Variants in PDE1A observed in about 807,000 individuals in gnomAD.
The protein encoded by PDE1A is phosphodiesterase 1A.
In PDE1A, 35 loss-of-function variants were observed where a neutral mutation model predicts 61.7. The ratio of observed to expected loss-of-function variants is 0.57; its 90% CI spans 0.43 to 0.75. The LOEUF (loss-of-function observed/expected upper bound fraction) is 0.75, where lower values mean the gene tolerates loss of function less well. Ranked by LOEUF, PDE1A falls within the 30% of genes least tolerant of loss-of-function variation. PDE1A has a pLI of 0.00. For synonymous variants in PDE1A, 232 were observed against 213.2 expected, an observed-to-expected ratio of 1.09 and a Z score of -0.77; for missense variants, 597 against 630.6, an observed-to-expected ratio of 0.95 and a Z score of 0.57.
Position 182,473,439 on chromosome 2 carries a change from A to G in PDE1A, c.101+48837T>C, listed in dbSNP as rs544723145. On this transcript the variant is annotated intron_variant, in intron 2 of 14. Transcript: ENST00000410103. Reference sequence around the variant, plus strand: ...ACTCAAACACATTTACAAGAAAAAAACAAACAACCCCATCAAAAAGTGGGT... The same window carrying G: ...ACTCAAACACATTTACAAGAAAAAAGCAAACAACCCCATCAAAAAGTGGGT... Among the ~76,000 whole-genome samples, 64 of 151,212 alleles carry G rather than the reference A, an allele frequency of 4.2e-4. No homozygotes were observed. The East Asian group carries it at 9.7e-3, about 23-fold the overall frequency.
At chr2:182,479,348 G>A (rs951650084) in intron 2 of PDE1A, among the ~76,000 whole-genome samples, 2 of 151,880 alleles carry the variant, frequency 1.3e-5, no homozygotes, top group Non-Finnish European at 2.9e-5. Context: ...AGCTTACCAC[G>A]TTGGCAATCA....
At chr2:182,360,988 C>T (rs751275532) in intron 1 of PDE1A, among the ~76,000 whole-genome samples, 1 of 152,020 alleles carries the variant, frequency 6.6e-6, no homozygotes, top group Non-Finnish European at 1.5e-5. Context: ...CTTCTAGATA[C>T]ATTATTAGCA....
chr2:182,568,380 G>A, the PDE1A span, among the ~76,000 whole-genome samples: 2 of 152,180 alleles, frequency 1.3e-5, no homozygotes, highest in Non-Finnish European at 2.9e-5. Context: ...TGTTTTTATA[G>A]TAATAGTAAA....
intron 2 of PDE1A, among the ~76,000 whole-genome samples, chr2:182,258,415 G>T (rs890291859): frequency 6.6e-6 from 1 of 152,150 alleles, no homozygotes; most frequent in Non-Finnish European, 1.5e-5. Flanking sequence ...TGACAGCCAG[G>T]ACAGACTGGT....
the PDE1A span, among the ~76,000 whole-genome samples, chr2:182,687,719 C>A: frequency 0.55 from 82,844 of 151,886 alleles, 23,891 homozygotes; most frequent in Middle Eastern, 0.7. Context: ...AGGTTTCAGA[C>A]AATTAAACTT....
At chr2:182,338,773 C>T (rs1490810262) in intron 1 of PDE1A, among the ~76,000 whole-genome samples, 11 of 152,150 alleles carry the variant, frequency 7.2e-5, no homozygotes, top group Admixed American at 4.6e-4. Flanking sequence ...CTACCCGCCT[C>T]GGCCTGCCAA....
chr2:182,221,369 G>T (rs538277067), intron 7 of PDE1A, among the ~76,000 whole-genome samples: 1 of 152,064 alleles, frequency 6.6e-6, no homozygotes. Flanking sequence ...AGTGATGAGC[G>T]ATCTTTAATT....
At chr2:182,583,422 T>C in the PDE1A span, among the ~76,000 whole-genome samples, 9,702 of 152,252 alleles carry the variant, frequency 0.064, 350 homozygotes, top group Admixed American at 0.094. Flanking sequence ...AAGAGCAAAA[T>C]GCCTTTCTCA....
rs1404599096 is a variant in PDE1A at position 182,214,393 on chromosome 2, G to A, written c.777-8328C>T. ...ATAACCAGCCAACATCATAATGACA[G>A]GATCAAATTCACACATAACAATATT... On this transcript the variant is annotated intron_variant, in intron 7 of 13. Transcript: ENST00000351439. 2.0e-5 allele frequency among the ~76,000 whole-genome samples: 3 copies of A among 151,148 alleles called. No individual in the cohort carries two copies. In the East Asian group the frequency reaches 5.9e-4, roughly 30 times the overall value.
chr2:182,399,634 T>C (rs1055354211), intron 1 of PDE1A, among the ~76,000 whole-genome samples: 2 of 152,130 alleles, frequency 1.3e-5, no homozygotes, highest in Non-Finnish European at 2.9e-5. Flanking sequence ...TACAAATGTA[T>C]CTAAACTTAC....
At chr2:182,644,244 A>C in the PDE1A span, among the ~76,000 whole-genome samples, 4 of 133,756 alleles carry the variant, frequency 3.0e-5, no homozygotes, top group Non-Finnish European at 6.2e-5. Flanking sequence ...CGATGTCTCC[A>C]GGTCAGAGTC....
At chr2:182,374,589 T>C (rs1700289121) in intron 1 of PDE1A, among the ~76,000 whole-genome samples, 1 of 152,174 alleles carries the variant, frequency 6.6e-6, no homozygotes, top group Non-Finnish European at 1.5e-5. Context: ...ATATCTGACA[T>C]AAGTCTTACA....
chr2:182,582,771 C>T, the PDE1A span, among the ~76,000 whole-genome samples: 3 of 152,108 alleles, frequency 2.0e-5, no homozygotes, highest in East Asian at 1.9e-4. Flanking sequence ...ACTAAGCTAG[C>T]GGACAGAGCC....
At chr2:182,210,383 A>G (rs891487986) in intron 7 of PDE1A, among the ~76,000 whole-genome samples, 2 of 152,122 alleles carry the variant, frequency 1.3e-5, no homozygotes, top group African/African-American at 4.8e-5. Flanking sequence ...CATTGTTTCA[A>G]TTTGGATTTC....
At chr2:182,435,164 C>A (rs1336838592) in intron 2 of PDE1A, among the ~76,000 whole-genome samples, 4 of 151,958 alleles carry the variant, frequency 2.6e-5, no homozygotes, top group Non-Finnish European at 5.9e-5. Flanking sequence ...ACAACAACAA[C>A]AATAGAAATA....
At chr2:182,661,634 C>T in the PDE1A span, among the ~76,000 whole-genome samples, 1,859 of 152,172 alleles carry the variant, frequency 0.012, 22 homozygotes, top group South Asian at 0.049. Flanking sequence ...TAAAAATTGA[C>T]ATTATTATCA....
intron 2 of PDE1A, among the ~76,000 whole-genome samples, chr2:182,462,430 C>G (rs1488467523): frequency 6.6e-6 from 1 of 151,640 alleles, no homozygotes; most frequent in Non-Finnish European, 1.5e-5. Context: ...CACCCTCAAA[C>G]CAGACTCTTG....
At chr2:182,463,038 C>T (rs778502894) in intron 2 of PDE1A, among the ~76,000 whole-genome samples, 1 of 151,852 alleles carries the variant, frequency 6.6e-6, no homozygotes, top group Admixed American at 6.6e-5. Flanking sequence ...GCCAGGAGTT[C>T]GAGACCAGCC....
At chr2:182,571,754 C>T in the PDE1A span, among the ~76,000 whole-genome samples, 2 of 151,884 alleles carry the variant, frequency 1.3e-5, no homozygotes, top group Non-Finnish European at 2.9e-5. Context: ...GCAAAAAAAG[C>T]TCAAATAACT....
Sources: allele counts gnomAD v4.1 joint callset (sites outside exome capture counted in the v4.1 genomes callset), GRCh38; gene constraint gnomAD v4.1.1; transcripts MANE v1.5; gene names NCBI Gene and HGNC (gene_info 2026-07-23, HGNC 2026-07-21).